The following TBC1D13 variants were observed in gnomAD, a reference collection of about 807,000 sequenced individuals.
The protein encoded by TBC1D13 is epididymis secretory sperm binding protein.
TBC1D13 carries 40 observed loss-of-function variants against 53.6 expected under a neutral mutation model. The ratio of observed to expected loss-of-function variants is 0.75; its 90% CI spans 0.58 to 0.97. The LOEUF (loss-of-function observed/expected upper bound fraction) is 0.97. Ranked by LOEUF, TBC1D13 falls within the 50% of genes least tolerant of loss-of-function variation. The pLI, the probability that TBC1D13 is intolerant of heterozygous loss-of-function variation, is 0.00. For missense variants in TBC1D13, 377 were observed against 499.4 expected (o/e 0.75, Z 2.34); for synonymous variants, 182 against 197.7 (o/e 0.92, Z 0.67).
intron 1 of TBC1D13, 141 bp downstream of exon 1, chr9:128,787,517 C>T: frequency 1.1e-6 from 1 of 891,952 alleles, no homozygotes; most frequent in Non-Finnish European, 1.5e-6. Context: ...ACCTTCTAAC[C>T]TCATTGCCTG....
Position 128,807,849 on chromosome 9 carries a change from GA to G in TBC1D13, c.1176del (p.Ala393ProfsTer40). The G allele has an allele frequency of 6.2e-7, 1 of 1,614,218 alleles. No individual in the cohort carries two copies. On this transcript the variant is annotated frameshift_variant, in exon 12 of 12. Transcript: ENST00000372648. LOFTEE classifies it high-confidence loss of function. Reference protein sequence around the residue: ...PITDVCQILQKAKELQDSK With the variant: ...PITDVCQILQXAKELQDSK ...TCACAGATGTCTGCCAGATCCTGCA[GA>G]AAGCCAAGGAGCTCCAAGACTCAAA... is the stretch of plus-strand genomic sequence containing the variant.
chr9:128,792,221 C>T (rs1000065038), intron 5 of TBC1D13, among the ~76,000 whole-genome samples: 17 of 152,336 alleles, frequency 1.1e-4, no homozygotes, highest in African/African-American at 3.8e-4. Flanking sequence ...GCTAGAGCAA[C>T]GGACAGAAAA....
intron 6 of TBC1D13, 25 bp downstream of exon 6, chr9:128,792,599 A>G (rs1185520180): frequency 6.2e-7 from 1 of 1,606,008 alleles, no homozygotes. Context: ...TGGGGCCGGG[A>G]GCTGGCCCAT....
In TBC1D13 at chr9:128,805,317, C is replaced by T. The variant is rs1052758199; in HGVS notation, c.919-542C>T. 3.3e-5 allele frequency among the ~76,000 whole-genome samples: 5 copies of T among 152,060 alleles called. No individual in the cohort carries two copies. The South Asian group carries it at 6.2e-4, about 19-fold the overall frequency. ...CTGCACTTCAGCCTAGGCAATATAG[C>T]GAGACCTCATCTCTAAAAAAAAAAG... On this transcript the variant is annotated intron_variant, in intron 9 of 11. Transcript: ENST00000372648.
In TBC1D13 at chr9:128,797,221, G is replaced by A; in HGVS notation, c.543+7G>A. 6.2e-7 allele frequency: 1 copy of A among 1,613,744 alleles called. No homozygotes were observed. The highest frequency in any genetic ancestry group is 8.5e-7 in the Non-Finnish European group (1 of 1,179,786). ...CCGGAGTGGGGTCACAAATGTGAGT[G>A]CCAACCTGGGGTCCCCAGGGACTCC... is the stretch of plus-strand genomic sequence containing the variant. On this transcript the variant is annotated splice_region_variant and intron_variant, in intron 7 of 11. Transcript: ENST00000372648.
At chr9:128,797,833 C>T (rs1829662657) in intron 7 of TBC1D13, among the ~76,000 whole-genome samples, 2 of 152,136 alleles carry the variant, frequency 1.3e-5, no homozygotes, top group Admixed American at 1.3e-4. Context: ...AACGGCCAGG[C>T]ACAATGGCCC....
At chr9:128,805,668 T>C (rs145073479) in intron 9 of TBC1D13, among the ~76,000 whole-genome samples, 191 bp from the exon 10 acceptor site, 10 of 152,334 alleles carry the variant, frequency 6.6e-5, no homozygotes, top group African/African-American at 1.4e-4. Context: ...TCTGAGGATG[T>C]TGGCTGGCAG....
chr9:128,790,901 T>C, intron 3 of TBC1D13, 126 bp downstream of exon 3: 1 of 995,528 alleles, frequency 1.0e-6, no homozygotes, highest in Non-Finnish European at 1.4e-6. Context: ...AGGGAGCTTT[T>C]CTGGGAAGTC....
Position 128,804,028 on chromosome 9 carries a change from G to A in TBC1D13, c.827G>A (p.Ser276Asn), listed in dbSNP as rs150254670. ...MAEIRDNFIK[S>N]LDDSQCGITY... Reference sequence around the variant, plus strand: ...GAGATCCGGGACAACTTTATCAAGAGCCTGGATGACTCGCAGTGTGGCATC... The same window carrying A: ...GAGATCCGGGACAACTTTATCAAGAACCTGGATGACTCGCAGTGTGGCATC... Residue 276 changes from serine (S) to asparagine (N), a missense_variant, in exon 9 of 12, where the codon AGC becomes AAC. Ser to Asn is a conservative substitution (Grantham distance 46). Transcript: ENST00000372648. 4 of 1,614,002 alleles carry A rather than the reference G, an allele frequency of 2.5e-6. No individual in the cohort carries two copies. Among genetic ancestry groups the A allele is most frequent in the Admixed American group, 1.7e-5 (1 of 59,996 alleles).
At position 128,797,427 on chromosome 9, in the gene TBC1D13, G is replaced by A. The variant is rs529481902; in HGVS notation, c.543+213G>A. ...CTGGGTGTAATGGCTGCTGGGAAGG[G>A]CCCTGCATCACAGTGAGTGAATGAG... On this transcript the variant is annotated intron_variant, in intron 7 of 11. Coordinates refer to ENST00000372648, the MANE Select transcript of TBC1D13 (RefSeq NM_018201.5). Among the ~76,000 whole-genome samples the A allele has an allele frequency of 2.0e-3, 308 of 152,278 alleles. 2 individuals carry two copies. Among genetic ancestry groups the A allele is most frequent in the Non-Finnish European group, 4.1e-3 (277 of 68,016 alleles).
intron 7 of TBC1D13, among the ~76,000 whole-genome samples, chr9:128,801,601 C>G (rs2132547558): frequency 6.6e-6 from 1 of 150,566 alleles, no homozygotes; most frequent in African/African-American, 2.4e-5. Context: ...ATCACTTCAA[C>G]CTGGGAGGTG....
At chr9:128,792,869 T>C (rs769830146) in intron 6 of TBC1D13, among the ~76,000 whole-genome samples, 11 of 152,250 alleles carry the variant, frequency 7.2e-5, no homozygotes, top group Non-Finnish European at 1.3e-4. Context: ...GCCCCTTTTG[T>C]GTGCCAGGCT....
chr9:128,794,070 G>C (rs1202229912), intron 6 of TBC1D13, among the ~76,000 whole-genome samples: 1 of 152,224 alleles, frequency 6.6e-6, no homozygotes, highest in Non-Finnish European at 1.5e-5. Flanking sequence ...TTCCTTTGGG[G>C]GATCGAGGAA....
At chr9:128,800,064 G>A (rs1262197172) in intron 7 of TBC1D13, among the ~76,000 whole-genome samples, 4 of 152,230 alleles carry the variant, frequency 2.6e-5, no homozygotes, top group African/African-American at 9.6e-5. Flanking sequence ...TGGCTGATGT[G>A]TGTCTGTGTG....
intron 6 of TBC1D13, among the ~76,000 whole-genome samples, chr9:128,796,785 A>C (rs1829638442): frequency 6.6e-6 from 1 of 151,856 alleles, no homozygotes; most frequent in Non-Finnish European, 1.5e-5. Context: ...AAAAATAAAA[A>C]ATTAGCCGGG....
intron 1 of TBC1D13, among the ~76,000 whole-genome samples, chr9:128,787,865 C>A (rs1034014387): frequency 6.6e-6 from 1 of 152,096 alleles, no homozygotes; most frequent in Non-Finnish European, 1.5e-5. Flanking sequence ...TTTGTCCTTG[C>A]CTTCTGGCAG....
chr9:128,805,897 C>T lies in TBC1D13; in HGVS notation c.957C>T (p.Arg319=). ...TCAAGCCTCAGTTCTTTGCCTTCCG[C>T]TGGCTGACACTGCTGCTGTCCCAGG... is the stretch of plus-strand genomic sequence containing the variant. ...QNIKPQFFAF[R]WLTLLLSQEF... is the part of the protein sequence containing the mutation. Residue 319 remains arginine (R), a synonymous_variant, in exon 10 of 12, where the codon CGC becomes CGT. Transcript: ENST00000372648. 6.2e-7 allele frequency: 1 copy of T among 1,614,150 alleles called. No individual in the cohort carries two copies.
intron 7 of TBC1D13, among the ~76,000 whole-genome samples, chr9:128,797,871 G>C (rs1829663320): frequency 6.6e-6 from 1 of 152,232 alleles, no homozygotes; most frequent in Non-Finnish European, 1.5e-5. Flanking sequence ...ACTTTGGCAG[G>C]CCAAGACAGG....
At chr9:128,799,040 C>T (rs1829687318) in intron 7 of TBC1D13, among the ~76,000 whole-genome samples, 1 of 152,166 alleles carries the variant, frequency 6.6e-6, no homozygotes, top group South Asian at 2.1e-4. Context: ...GAAGCTCTGA[C>T]AGGCAGGGGC....
Sources: allele counts gnomAD v4.1 joint callset (sites outside exome capture counted in the v4.1 genomes callset), GRCh38; gene constraint gnomAD v4.1.1; transcripts MANE v1.5; gene names NCBI Gene and HGNC (gene_info 2026-07-23, HGNC 2026-07-21).